PACRG: variants seen among roughly 807,000 people sequenced by gnomAD.
PACRG encodes parkin coregulated gene protein.
Under a neutral mutation model 29.7 loss-of-function variants are expected in PACRG, and 29 were observed. The observed-to-expected ratio is 0.98, with a 90% CI of 0.73 to 1.33. The LOEUF is 1.33. Ranked by LOEUF, PACRG falls within the 40% of genes most tolerant of loss-of-function variation. The pLI is 0.00. For synonymous variants in PACRG, 116 were observed against 118.7 expected (o/e 0.98, Z 0.15); for missense variants, 279 against 316.2 (o/e 0.88, Z 0.89).
intron 2 of PACRG, among the ~76,000 whole-genome samples, chr6:162,848,554 G>T (rs910531313): frequency 1.3e-5 from 2 of 152,194 alleles, no homozygotes; most frequent in Non-Finnish European, 2.9e-5. Context: ...AAACTACATA[G>T]AATTCTTTCC....
intron 4 of PACRG, among the ~76,000 whole-genome samples, chr6:163,298,087 A>G (rs1262044426): frequency 6.6e-6 from 1 of 152,138 alleles, no homozygotes; most frequent in Non-Finnish European, 1.5e-5. Context: ...CATCGACCAA[A>G]AAGAAGTGAA....
At chr6:163,183,343 A>G (rs1263468138) in intron 4 of PACRG, 1 of 152,222 alleles carries the variant, frequency 6.6e-6, no homozygotes, top group Non-Finnish European at 1.5e-5. Flanking sequence ...TTGACTAAGG[A>G]ACTTTATCCT....
intron 4 of PACRG, among the ~76,000 whole-genome samples, chr6:163,283,761 A>G (rs897705991): frequency 1.3e-5 from 2 of 148,890 alleles, no homozygotes; most frequent in Admixed American, 1.4e-4. Context: ...AGATTGTGCC[A>G]CTGCAGTCCG....
chr6:162,846,510 A>G (rs1260550160), intron 2 of PACRG, among the ~76,000 whole-genome samples: 1 of 152,084 alleles, frequency 6.6e-6, no homozygotes, highest in Non-Finnish European at 1.5e-5. Flanking sequence ...TAGCCAAACC[A>G]TCACCAGGCC....
At chr6:163,221,974 G>T (rs1406504391) in intron 4 of PACRG, among the ~76,000 whole-genome samples, 2 of 152,188 alleles carry the variant, frequency 1.3e-5, no homozygotes, top group African/African-American at 4.8e-5. Flanking sequence ...AATACAGACA[G>T]GCTGCACCCT....
intron 2 of PACRG, among the ~76,000 whole-genome samples, chr6:162,930,674 G>A (rs574425648): frequency 2.2e-4 from 33 of 151,884 alleles, no homozygotes; most frequent in Middle Eastern, 3.4e-3. Context: ...GTTCCATATC[G>A]TAGAGGAAAG....
intron 2 of PACRG, among the ~76,000 whole-genome samples, chr6:162,967,744 T>A (rs964658320): frequency 9.9e-5 from 15 of 152,176 alleles, no homozygotes; most frequent in Non-Finnish European, 1.9e-4. Context: ...CCTGACCTCA[T>A]GATCCGCCCA....
intron 2 of PACRG, among the ~76,000 whole-genome samples, chr6:163,039,160 G>T (rs1177789282): frequency 1.3e-5 from 2 of 152,160 alleles, no homozygotes; most frequent in African/African-American, 2.4e-5. Flanking sequence ...AGATTTTATG[G>T]TTTAAAAGTG....
At position 163,197,434 on chromosome 6, in the gene PACRG, C is replaced by CTTTTTTTTT. The variant is rs57942658; in HGVS notation, c.613+108043_613+108051dup. On this transcript the variant is annotated intron_variant, in intron 4 of 4. Coordinates refer to ENST00000366888, the MANE Select transcript of PACRG (RefSeq NM_001080379.2). ...ACTGGTGGCTATTTTCTTTTCTTTT[C>CTTTTTTTTT]TTTTTTTTTTTTTTTTTTTTTTTTT... Among the ~76,000 whole-genome samples the CTTTTTTTTT allele has an allele frequency of 1.5e-3, 163 of 106,286 alleles. 1 individual carries two copies. Among genetic ancestry groups the CTTTTTTTTT allele is most frequent in the Non-Finnish European group, 2.2e-3 (116 of 52,122 alleles). The allele number at this position is 106,286 out of a possible 152,430, so 69.7% of individuals were successfully genotyped here.
At chr6:163,301,561 C>T (rs1475184971) in intron 4 of PACRG, among the ~76,000 whole-genome samples, 2 of 152,180 alleles carry the variant, frequency 1.3e-5, no homozygotes, top group Non-Finnish European at 2.9e-5. Context: ...TGCTGTCCCT[C>T]ATGGCCTGAG....
intron 2 of PACRG, among the ~76,000 whole-genome samples, chr6:162,821,101 T>C (rs1787806091): frequency 6.6e-6 from 1 of 152,206 alleles, no homozygotes; most frequent in Non-Finnish European, 1.5e-5. Context: ...TTAAATTGGT[T>C]AGATGACCTC....
intron 4 of PACRG, among the ~76,000 whole-genome samples, chr6:163,225,812 G>C (rs944526964): frequency 1.3e-5 from 2 of 152,162 alleles, no homozygotes; most frequent in Non-Finnish European, 2.9e-5. Flanking sequence ...ATCAACCTAA[G>C]TGTCCATCAG....
chr6:163,039,630 A>G (rs887863260), intron 2 of PACRG, among the ~76,000 whole-genome samples: 4 of 152,142 alleles, frequency 2.6e-5, no homozygotes, highest in South Asian at 2.1e-4. Context: ...AGCAAAGGTC[A>G]CTCTTGCTAT....
At chr6:162,817,967 A>T (rs1380758043) in intron 2 of PACRG, among the ~76,000 whole-genome samples, 1 of 152,200 alleles carries the variant, frequency 6.6e-6, no homozygotes, top group Non-Finnish European at 1.5e-5. Flanking sequence ...TGAAAGTTGA[A>T]TAAATCTCAT....
At chr6:162,868,199 G>C (rs2128450095) in intron 2 of PACRG, among the ~76,000 whole-genome samples, 1 of 152,320 alleles carries the variant, frequency 6.6e-6, no homozygotes, top group African/African-American at 2.4e-5. Context: ...GGTGTTCCTA[G>C]ATCCAGCCTG....
intron 2 of PACRG, among the ~76,000 whole-genome samples, chr6:163,007,294 T>C (rs1276272066): frequency 6.6e-6 from 1 of 152,206 alleles, no homozygotes; most frequent in Non-Finnish European, 1.5e-5. Flanking sequence ...TTAACAATTA[T>C]CTTTTGGAGA....
At chr6:163,005,537 T>G (rs1804985617) in intron 2 of PACRG, among the ~76,000 whole-genome samples, 2 of 151,858 alleles carry the variant, frequency 1.3e-5, no homozygotes, top group Admixed American at 1.3e-4. Context: ...TTCTTCTTAT[T>G]TGTTCTTTGA....
At chr6:163,210,487 C>T (rs1319635599) in intron 4 of PACRG, among the ~76,000 whole-genome samples, 1 of 152,172 alleles carries the variant, frequency 6.6e-6, no homozygotes, top group Non-Finnish European at 1.5e-5. Context: ...CTCACCATGG[C>T]CTTAGAAGGT....
intron 3 of PACRG, among the ~76,000 whole-genome samples, chr6:163,079,049 T>C (rs748360090): frequency 6.6e-6 from 1 of 152,138 alleles, no homozygotes; most frequent in Non-Finnish European, 1.5e-5. Context: ...CTGTGTGATC[T>C]CAGGCCACCT....
Sources: gnomAD v4.1 joint callset for allele counts (sites outside exome capture counted in the v4.1 genomes callset) on GRCh38, gnomAD v4.1.1 for gene constraint, MANE v1.5 for transcripts, NCBI Gene and HGNC (gene_info 2026-07-23, HGNC 2026-07-21) for gene names.